Variants in KIF18A observed in about 807,000 individuals in gnomAD.
KIF18A encodes the protein kinesin-like protein KIF18A.
A neutral mutation model predicts 103.3 loss-of-function variants in KIF18A; 67 were observed. That is an observed-to-expected ratio of 0.65 (90% confidence interval 0.53 to 0.79). The LOEUF is 0.79. Among genes scored for constraint, KIF18A ranks in the 30% least tolerant of loss-of-function variants. The pLI is 0.00. For synonymous variants in KIF18A, 367 were observed against 355.5 expected (o/e 1.03, Z -0.36); for missense variants, 1,032 against 1,062.5 (o/e 0.97, Z 0.40).
intron 11 of KIF18A, among the ~76,000 whole-genome samples, chr11:28,067,132 C>T (rs1342704402): frequency 1.3e-5 from 2 of 151,870 alleles, no homozygotes; most frequent in Non-Finnish European, 2.9e-5. Flanking sequence ...CCAAACACTC[C>T]AACTCCAAAG....
At chr11:28,052,420 A>G (rs915810516) in intron 13 of KIF18A, among the ~76,000 whole-genome samples, 15 of 151,964 alleles carry the variant, frequency 9.9e-5, no homozygotes, top group African/African-American at 3.4e-4. Flanking sequence ...TGTACCAGTT[A>G]TATATCCTCA....
At chr11:28,083,135 C>A in intron 8 of KIF18A, 34 bp downstream of exon 8, 3 of 1,569,448 alleles carry the variant, frequency 1.9e-6, no homozygotes, top group Non-Finnish European at 2.6e-6. Context: ...TGAAGAACTG[C>A]GCAAGACTAG....
intron 9 of KIF18A, among the ~76,000 whole-genome samples, chr11:28,078,830 C>A (rs567406618): frequency 1.3e-5 from 2 of 151,886 alleles, no homozygotes; most frequent in South Asian, 4.2e-4. Context: ...AGTTTTATAA[C>A]AAAAGACACT....
intron 8 of KIF18A, 66 bp from the exon 9 acceptor site, chr11:28,083,034 G>C: frequency 3.5e-6 from 5 of 1,441,502 alleles, no homozygotes; most frequent in Non-Finnish European, 4.7e-6. Flanking sequence ...GCCAAATTTA[G>C]CTGTAAAAAA....
At chr11:28,100,368 C>A (rs533002236) in intron 1 of KIF18A, among the ~76,000 whole-genome samples, 22 of 151,874 alleles carry the variant, frequency 1.4e-4, no homozygotes, top group Non-Finnish European at 3.1e-4. Flanking sequence ...GAGGAAACAG[C>A]GATCTATTGT....
chr11:28,105,896 A>G (rs1851498116), intron 1 of KIF18A, among the ~76,000 whole-genome samples: 1 of 152,218 alleles, frequency 6.6e-6, no homozygotes, highest in South Asian at 2.1e-4. Context: ...ATTGCATTCA[A>G]TCCTTATAAT....
intron 15 of KIF18A, among the ~76,000 whole-genome samples, chr11:28,028,458 T>C (rs1850349887): frequency 6.6e-6 from 1 of 151,990 alleles, no homozygotes; most frequent in Non-Finnish European, 1.5e-5. Context: ...AAGGCAGAAA[T>C]AAAGACGTTC....
At chr11:28,087,400 C>G (rs578145673) in intron 6 of KIF18A, among the ~76,000 whole-genome samples, 2 of 152,300 alleles carry the variant, frequency 1.3e-5, no homozygotes, top group African/African-American at 4.8e-5. Flanking sequence ...ATCCATGTGC[C>G]TGTAAAGGAC....
rs750414225 is a variant in KIF18A, at chr11:28,077,033, T to A, written c.1399A>T (p.Met467Leu). ...TTTTCTACTTTGTCTTCAGAACACA[T>A]CATTTCTATTTGTTTATGGCACTGT... The part of the protein sequence containing the change: ...QQQCHKQIEM[M>L]CSEDKVEKAT... The change falls in exon 10 of 17, where the codon ATG becomes TTG. Residue 467 changes from methionine to leucine, a missense_variant. Physicochemically the swap from Met to Leu is conservative, Grantham distance 15. Transcript: ENST00000263181. 7 of 1,528,956 alleles carry A rather than the reference T, an allele frequency of 4.6e-6. No homozygotes were observed. The highest frequency in any genetic ancestry group is 5.3e-6 in the Non-Finnish European group (6 of 1,134,316). 94.7% of individuals were successfully genotyped at this position (1,528,956 alleles called of 1,614,324 possible). A position where few individuals can be genotyped will look rare whatever the true frequency, so the allele number is the denominator to read the frequency against.
intron 2 of KIF18A, among the ~76,000 whole-genome samples, chr11:28,096,534 TAG>T (rs1209670203): frequency 2.0e-5 from 3 of 152,184 alleles, no homozygotes; most frequent in Non-Finnish European, 4.4e-5. Flanking sequence ...AGTAGTTTGA[TAG>T]AGAGTCTACT....
At chr11:28,072,069 A>G (rs1276327407) in intron 10 of KIF18A, among the ~76,000 whole-genome samples, 1 of 152,026 alleles carries the variant, frequency 6.6e-6, no homozygotes, top group African/African-American at 2.4e-5. Flanking sequence ...GAATACTACC[A>G]CCACCCATTG....
intron 13 of KIF18A, among the ~76,000 whole-genome samples, chr11:28,056,023 C>T (rs953233066): frequency 2.6e-5 from 4 of 151,890 alleles, no homozygotes; most frequent in African/African-American, 7.3e-5. Flanking sequence ...TACAATCCTC[C>T]CATATGCTTT....
rs774386657 is a variant in KIF18A at position 28,087,989 on chromosome 11, T to C, written c.897+535A>G. Among the ~76,000 whole-genome samples, 5 of 152,278 alleles carry C rather than the reference T, an allele frequency of 3.3e-5. No individual in the cohort carries two copies. In the South Asian group the frequency reaches 8.3e-4, roughly 25 times the overall value. On this transcript the variant is annotated intron_variant, in intron 6 of 16. Transcript: ENST00000263181. ...GTTCTAGGTAAGCACTTCTGGCATA[T>C]GGTATATGTAAACTATATTTAAATA...
intron 16 of KIF18A, 140 bp downstream of exon 16, chr11:28,023,601 G>A: frequency 2.1e-6 from 1 of 469,016 alleles, no homozygotes; most frequent in Non-Finnish European, 3.8e-6. Flanking sequence ...ATAATATGTG[G>A]ATAATCATAC....
chr11:28,062,889 C>T (rs923305440), intron 11 of KIF18A, among the ~76,000 whole-genome samples: 2 of 151,982 alleles, frequency 1.3e-5, no homozygotes, highest in African/African-American at 2.4e-5. Flanking sequence ...ACTCTCCACC[C>T]CTCAATATTG....
chr11:28,084,679 A>G lies in KIF18A; in HGVS notation c.1027T>C (p.Tyr343His), dbSNP rs1387071314. Residue 343 changes from tyrosine to histidine, a missense_variant, in exon 7 of 17, where the codon TAT (tyrosine) becomes CAT (histidine). Transcript: ENST00000263181. ...SPSSVFYDDT[Y>H]NTLKYANRAK... ...CGGTTAGCATACTTAAGAGTGTTAT[A>G]TGTGTCATCGTAGAATACAGAGGAA... 1 of 1,613,094 alleles carries G rather than the reference A, an allele frequency of 6.2e-7. No homozygotes were observed. The highest frequency in any genetic ancestry group is 8.5e-7 in the Non-Finnish European group (1 of 1,179,124).
chr11:28,042,641 T>G (rs1221754163), intron 13 of KIF18A, among the ~76,000 whole-genome samples: 1 of 151,840 alleles, frequency 6.6e-6, no homozygotes, highest in East Asian at 1.9e-4. Flanking sequence ...ACTGGCTGCT[T>G]GAAGAATTTC....
At chr11:28,090,779 A>T in intron 4 of KIF18A, 52 bp from the exon 5 acceptor site, 1 of 826,718 alleles carries the variant, frequency 1.2e-6, no homozygotes, top group Non-Finnish European at 2.0e-6. Context: ...TATATCTTTA[A>T]ATTTTTCAAT....
intron 15 of KIF18A, among the ~76,000 whole-genome samples, chr11:28,026,383 G>A (rs1490106043): frequency 6.6e-6 from 1 of 151,600 alleles, no homozygotes; most frequent in African/African-American, 2.4e-5. Context: ...TTATTACTCT[G>A]AAGCGCATGT....
Sources: allele counts gnomAD v4.1 joint callset (sites outside exome capture counted in the v4.1 genomes callset), GRCh38; gene constraint gnomAD v4.1.1; transcripts MANE v1.5; gene names NCBI Gene and HGNC (gene_info 2026-07-23, HGNC 2026-07-21).